The following STAMBP variants were observed in gnomAD, a reference collection of about 807,000 sequenced individuals.
STAMBP encodes STAM binding protein, also known as STAM-binding protein.
STAMBP carries 31 observed loss-of-function variants against 50.7 expected under a neutral mutation model. The observed-to-expected ratio is 0.61, with a 90% CI of 0.46 to 0.83. The LOEUF (loss-of-function observed/expected upper bound fraction) is 0.83, where lower values mean the gene tolerates loss of function less well. Among genes scored for constraint, STAMBP ranks in the 40% least tolerant of loss-of-function variants. The pLI is 0.00. For missense variants in STAMBP, 472 were observed against 518.9 expected (o/e 0.91, Z 0.88); for synonymous variants, 211 against 192.4 (o/e 1.10, Z -0.80).
At chr2:73,868,952 G>A (rs901215871), downstream of STAMBP, among the ~76,000 whole-genome samples, 7 of 152,138 alleles carry the variant, frequency 4.6e-5, no homozygotes, top group Non-Finnish European at 2.9e-5. Context: ...AACACCCAGC[G>A]TCATACTTAA....
intron 2 of STAMBP, among the ~76,000 whole-genome samples, chr2:73,839,461 A>G (rs1675109625): frequency 6.6e-6 from 1 of 152,102 alleles, no homozygotes; most frequent in South Asian, 2.1e-4. Flanking sequence ...ATGAACTGTC[A>G]CCTGTGTTGA....
intron 2 of STAMBP, among the ~76,000 whole-genome samples, chr2:73,835,008 G>C (rs987264993): frequency 6.6e-6 from 1 of 152,124 alleles, no homozygotes; most frequent in Admixed American, 6.5e-5. Flanking sequence ...TTTTTATCTT[G>C]AGGGTAACAG....
intron 10 of STAMBP, chr2:73,873,263 C>A (rs1679270061): frequency 6.6e-6 from 1 of 152,158 alleles, no homozygotes; most frequent in Admixed American, 6.5e-5. Context: ...TTGGCAAGTG[C>A]CTGGGGTGCA....
At chr2:73,834,287 A>ATATATATAT (rs1674451416) in intron 2 of STAMBP, among the ~76,000 whole-genome samples, 3 of 99,252 alleles carry the variant, frequency 3.0e-5, no homozygotes, top group African/African-American at 1.2e-4. Context: ...ATATATATAT[A>ATATATATAT]AAGTTTTTGA....
chr2:73,870,997 TG>T (rs1365684086), downstream of STAMBP, among the ~76,000 whole-genome samples: 1 of 152,148 alleles, frequency 6.6e-6, no homozygotes, highest in South Asian at 2.1e-4. Flanking sequence ...CTTAAGCTCC[TG>T]GCCTCAAGCA....
At chr2:73,854,730 G>A (rs1014783984) in intron 7 of STAMBP, among the ~76,000 whole-genome samples, 1 of 152,152 alleles carries the variant, frequency 6.6e-6, no homozygotes, top group Non-Finnish European at 1.5e-5. Context: ...GCTCACACCT[G>A]TAATCCCAGA....
chr2:73,851,965 G>C (rs966718740), intron 7 of STAMBP, among the ~76,000 whole-genome samples: 1 of 152,160 alleles, frequency 6.6e-6, no homozygotes, highest in Non-Finnish European at 1.5e-5. Context: ...TAGTACATTG[G>C]AGCCGAGTTC....
At chr2:73,834,209 TAAAAAAAAAAAAAAAAAAA>T (rs1171586160) in intron 2 of STAMBP, among the ~76,000 whole-genome samples, 28 of 8,550 alleles carry the variant, frequency 3.3e-3, no homozygotes, top group Non-Finnish European at 4.6e-3. Context: ...GATCATGTCT[TAAAAAAAAAAAAAAAAAAA>T]AAAAAAAAAT....
intron 7 of STAMBP, chr2:73,855,528 C>A (rs1410293177): frequency 4.5e-6 from 2 of 447,196 alleles, no homozygotes; most frequent in African/African-American, 4.0e-5. Context: ...ACGTTTGCTC[C>A]CAGTTAGAAT....
downstream of STAMBP, among the ~76,000 whole-genome samples, chr2:73,871,437 A>G (rs1005119780): frequency 6.6e-6 from 1 of 151,676 alleles, no homozygotes; most frequent in African/African-American, 2.4e-5. Flanking sequence ...AATCCCAGCT[A>G]CTCAGGAGGC....
rs1376382540 is a variant in STAMBP, at chr2:73,843,704, G to GA, written c.204-1108dup. On this transcript the variant is annotated intron_variant, in intron 2 of 9. Transcript: ENST00000394070. ...TTGTGTGCCTAATATAGAACTGAAG[G>GA]ATGAGGACTTATCTTTAGAAAGTTT... Among the ~76,000 whole-genome samples, 24 of 152,314 alleles carry GA rather than the reference G, an allele frequency of 1.6e-4. 1 individual carries two copies. Among genetic ancestry groups the GA allele is most frequent in the East Asian group, 1.5e-3 (8 of 5,190 alleles).
At chr2:73,857,742 A>G (rs1677740359) in intron 7 of STAMBP, among the ~76,000 whole-genome samples, 1 of 152,108 alleles carries the variant, frequency 6.6e-6, no homozygotes, top group Non-Finnish European at 1.5e-5. Context: ...GTTCTGCACA[A>G]TGTAAGTGAG....
At chr2:73,837,922 A>T (rs895138626) in intron 2 of STAMBP, among the ~76,000 whole-genome samples, 1 of 152,156 alleles carries the variant, frequency 6.6e-6, no homozygotes. Context: ...GGCAGGAGGA[A>T]ATCCAAGAGA....
Position 73,862,481 on chromosome 2 carries a change from AACTCAGAAATTAAGTT to A in STAMBP, c.*238_*253del, listed in dbSNP as rs935089104. 8 of 356,574 alleles carry A rather than the reference AACTCAGAAATTAAGTT, an allele frequency of 2.2e-5. No individual in the cohort carries two copies. Among genetic ancestry groups the A allele is most frequent in the Admixed American group, 1.8e-4 (4 of 22,522 alleles). The allele number at this position is 356,574 out of a possible 1,614,324, so 22.1% of individuals were successfully genotyped here. A position where few individuals can be genotyped will look rare whatever the true frequency, so the allele number is the denominator to read the frequency against. ...AACATGGTCACCCAAAAGCAACTGT[AACTCAGAAATTAAGTT>A]ACTCAGAAATTAAGTAGCTCAGAAA... On this transcript the variant is annotated 3_prime_UTR_variant, in exon 10 of 10. Transcript: ENST00000394070.
intron 2 of STAMBP, among the ~76,000 whole-genome samples, chr2:73,843,406 G>GTGTA (rs1458780751): frequency 0.034 from 4,440 of 129,864 alleles, 86 homozygotes; most frequent in Non-Finnish European, 0.051. Context: ...GTTTGTGTAT[G>GTGTA]TATATATATA....
chr2:73,861,081 A>G (rs1678269913), intron 9 of STAMBP, among the ~76,000 whole-genome samples: 1 of 152,218 alleles, frequency 6.6e-6, no homozygotes, highest in African/African-American at 2.4e-5. Context: ...AGGATGTTGA[A>G]ACAAAGACTA....
chr2:73,859,851 G>A (rs1278859040), intron 8 of STAMBP, among the ~76,000 whole-genome samples: 1 of 152,034 alleles, frequency 6.6e-6, no homozygotes, highest in East Asian at 1.9e-4. Context: ...CAAAACTAGT[G>A]TGATGGCAGT....
chr2:73,846,095 TCAG>T (rs1177477818), intron 4 of STAMBP, among the ~76,000 whole-genome samples: 5 of 152,126 alleles, frequency 3.3e-5, no homozygotes, highest in African/African-American at 9.7e-5. Flanking sequence ...ATGTTGAAAA[TCAG>T]CAGAGGGATG....
chr2:73,838,459 C>T (rs1260260244), intron 2 of STAMBP, among the ~76,000 whole-genome samples: 1 of 152,056 alleles, frequency 6.6e-6, no homozygotes, highest in Non-Finnish European at 1.5e-5. Context: ...AGCGTGTGAA[C>T]ATGTGTATGT....
Sources: gnomAD v4.1 joint callset for allele counts (sites outside exome capture counted in the v4.1 genomes callset) on GRCh38, gnomAD v4.1.1 for gene constraint, MANE v1.5 for transcripts, NCBI Gene and HGNC (gene_info 2026-07-23, HGNC 2026-07-21) for gene names.